The following ALG6 variants were observed in gnomAD, a reference collection of about 807,000 sequenced individuals.
ALG6 encodes the protein ALG6 alpha-1,3-glucosyltransferase.
ALG6 carries 46 observed loss-of-function variants against 66.6 expected under a neutral mutation model. The observed-to-expected ratio is 0.69, with a 90% confidence interval of 0.55 to 0.88. The LOEUF is 0.88. ALG6 is among the 40% of genes least tolerant of loss of function. ALG6 has a pLI of 0.00. For synonymous variants in ALG6, 185 were observed against 203.7 expected (o/e 0.91, Z 0.78); for missense variants, 505 against 586.8 (o/e 0.86, Z 1.44).
chr1:63,408,915 G>T (rs1238910540), intron 7 of ALG6, among the ~76,000 whole-genome samples: 4 of 152,136 alleles, frequency 2.6e-5, no homozygotes, highest in Non-Finnish European at 5.9e-5. Context: ...AAGTAGCTGG[G>T]ATTATAGGCA....
chr1:63,399,302 C>T (rs532813713), intron 3 of ALG6, among the ~76,000 whole-genome samples: 3 of 152,244 alleles, frequency 2.0e-5, no homozygotes, highest in South Asian at 2.1e-4. Flanking sequence ...ATTACATGTA[C>T]GTGAAACAGA....
intron 7 of ALG6, among the ~76,000 whole-genome samples, chr1:63,409,090 AT>A (rs1479798686): frequency 1.3e-5 from 2 of 152,158 alleles, no homozygotes; most frequent in African/African-American, 4.8e-5. Flanking sequence ...CTAAGGACAC[AT>A]TTTTTAACCA....
chr1:63,406,461 T>G, intron 6 of ALG6, 62 bp downstream of exon 6: 2 of 1,388,834 alleles, frequency 1.4e-6, no homozygotes, highest in Non-Finnish European at 2.0e-6. Flanking sequence ...GTCTAACTAT[T>G]AAGTATAGAC....
intron 2 of ALG6, 168 bp downstream of exon 2, chr1:63,371,227 A>G (rs1030466767): frequency 3.3e-6 from 2 of 609,136 alleles, no homozygotes; most frequent in African/African-American, 1.9e-5. Context: ...AAGAATATGG[A>G]TAACAGCTAA....
intron 2 of ALG6, among the ~76,000 whole-genome samples, chr1:63,375,104 G>A (rs1237427376): frequency 6.6e-6 from 1 of 152,060 alleles, no homozygotes; most frequent in African/African-American, 2.4e-5. Context: ...GGGCCTCTGA[G>A]GTGGGTGGAT....
intron 14 of ALG6, 121 bp downstream of exon 14, chr1:63,429,247 A>C (rs1644633170): frequency 1.6e-5 from 12 of 748,604 alleles, no homozygotes; most frequent in Non-Finnish European, 2.6e-5. Context: ...CCACTCATTT[A>C]AAGTATACAA....
intron 11 of ALG6, 65 bp from the exon 12 acceptor site, chr1:63,419,305 A>G (rs989841040): frequency 3.4e-5 from 42 of 1,234,214 alleles, no homozygotes; most frequent in Non-Finnish European, 4.7e-5. Context: ...TTTAGATTCT[A>G]TAATTAACTT....
At chr1:63,387,532 C>CTCTTTT (rs780187352) in intron 2 of ALG6, among the ~76,000 whole-genome samples, 2 of 59,476 alleles carry the variant, frequency 3.4e-5, no homozygotes, top group African/African-American at 1.4e-4. Flanking sequence ...TTGTCTTTCT[C>CTCTTTT]TTTTTTTTTT....
intron 12 of ALG6, among the ~76,000 whole-genome samples, chr1:63,424,447 C>T (rs1644604796): frequency 2.6e-5 from 4 of 151,938 alleles, no homozygotes; most frequent in Admixed American, 2.6e-4. Context: ...CCGTTTTGCC[C>T]AATTTTTAAT....
In ALG6 at chr1:63,433,770, A is replaced by T. The variant is rs987761764; in HGVS notation, c.1327-3053A>T. ...TACGGTAGTGACCAAAACTAACAGA[A>T]ATCCCTGCTCCCATGGAGGTTGCAT... On this transcript the variant is annotated intron_variant, in intron 14 of 14. Transcript: ENST00000263440. This position sits in a 1 kb window ranked among gnomAD's most constrained non-coding sequence, Gnocchi z 4.2. 3.3e-5 allele frequency among the ~76,000 whole-genome samples: 5 copies of T among 152,212 alleles called. No individual in the cohort carries two copies. Among genetic ancestry groups the T allele is most frequent in the African/African-American group, 9.6e-5 (4 of 41,468 alleles).
In ALG6 at chr1:63,396,585, C is replaced by T. The variant is rs201074540; in HGVS notation, c.155C>T (p.Pro52Leu). The change falls in exon 3 of 15, where the codon CCG becomes CTG. Residue 52 changes from proline (P) to leucine (L), a missense_variant. By Grantham distance (98) the Pro-to-Leu change is moderately conservative. Transcript: ENST00000263440. The part of the protein sequence containing the change: ...RHWQEITFNL[P>L]VKQWYFNSSD... ...TGGCAAGAAATAACTTTTAATTTAC[C>T]GGTCAAACAATGGTATGATAATTTT... is the stretch of plus-strand genomic sequence containing the variant. 5.1e-5 allele frequency: 83 copies of T among 1,612,856 alleles called. No homozygotes were observed. In the South Asian group the frequency reaches 6.3e-4, roughly 12 times the overall value.
chr1:63,376,452 A>G (rs1437365818), intron 2 of ALG6, among the ~76,000 whole-genome samples: 1 of 152,120 alleles, frequency 6.6e-6, no homozygotes, highest in African/African-American at 2.4e-5. Context: ...TTTTAAATTT[A>G]CTAAATTGGA....
At chr1:63,415,031 A>C (rs1644538139) in intron 10 of ALG6, among the ~76,000 whole-genome samples, 1 of 152,108 alleles carries the variant, frequency 6.6e-6, no homozygotes, top group Non-Finnish European at 1.5e-5. Context: ...ACATCTGCAA[A>C]ATTCTTTCAC....
At chr1:63,402,460 ATTTTT>A (rs760751565) in intron 4 of ALG6, 117 bp downstream of exon 4, 407 of 262,044 alleles carry the variant, frequency 1.6e-3, no homozygotes, top group East Asian at 3.0e-3. Flanking sequence ...CTGCTATTGT[ATTTTT>A]TTTTTTTTTT....
intron 12 of ALG6, among the ~76,000 whole-genome samples, chr1:63,425,679 C>T (rs746662374): frequency 6.6e-6 from 1 of 152,108 alleles, no homozygotes; most frequent in Admixed American, 6.6e-5. Context: ...TTCTCTTGAG[C>T]AGTTGTTCAG....
intron 12 of ALG6, among the ~76,000 whole-genome samples, chr1:63,424,584 T>A (rs565494987): frequency 6.6e-6 from 1 of 152,244 alleles, no homozygotes; most frequent in East Asian, 1.9e-4. Flanking sequence ...TTGATAGTGT[T>A]CTTTTGATGC....
intron 7 of ALG6, among the ~76,000 whole-genome samples, chr1:63,407,504 T>C (rs1644494763): frequency 1.3e-5 from 2 of 152,092 alleles, no homozygotes; most frequent in Non-Finnish European, 2.9e-5. Context: ...GTTTTATGAG[T>C]TTAAAAATTT....
intron 2 of ALG6, among the ~76,000 whole-genome samples, chr1:63,381,556 G>T (rs896202405): frequency 6.6e-6 from 1 of 151,664 alleles, no homozygotes; most frequent in Non-Finnish European, 1.5e-5. Context: ...GCTGAGGGGG[G>T]ATCCCTTGAG....
At chr1:63,428,609 C>T (rs945211583) in intron 12 of ALG6, 124 bp from the exon 13 acceptor site, 10 of 717,774 alleles carry the variant, frequency 1.4e-5, no homozygotes, top group African/African-American at 1.3e-4. Flanking sequence ...CATATGAAGA[C>T]CTTCCTGGCT....
Sources: gnomAD v4.1 joint callset for allele counts (sites outside exome capture counted in the v4.1 genomes callset) on GRCh38, gnomAD v4.1.1 for gene constraint, Gnocchi (gnomAD v3.1) non-coding constraint, MANE v1.5 for transcripts, NCBI Gene and HGNC (gene_info 2026-07-23, HGNC 2026-07-21) for gene names.